The following NEK10 variants were observed in gnomAD, a reference collection of about 807,000 sequenced individuals.
NEK10 encodes the protein serine/threonine-protein kinase Nek10.
NEK10 carries 122 observed loss-of-function variants against 159.8 expected under a neutral mutation model. That is an observed-to-expected ratio of 0.76 (90% CI 0.66 to 0.89). NEK10 has a LOEUF of 0.89. Among genes scored for constraint, NEK10 ranks in the 40% least tolerant of loss-of-function variants. The pLI is 0.00. For missense variants in NEK10, 1,342 were observed against 1,323.1 expected (o/e 1.01, Z -0.22); for synonymous variants, 466 against 457.1 (o/e 1.02, Z -0.25).
intron 1 of NEK10, among the ~76,000 whole-genome samples, chr3:27,359,739 G>T (rs541198665): frequency 6.6e-5 from 10 of 152,172 alleles, no homozygotes; most frequent in Non-Finnish European, 1.5e-4. Context: ...TGAGTGAAGG[G>T]TATATGGGAA....
At chr3:27,352,584 G>T in intron 2 of NEK10, 59 bp from the exon 3 acceptor site, 1 of 1,250,696 alleles carries the variant, frequency 8.0e-7, no homozygotes, top group Non-Finnish European at 1.2e-6. Flanking sequence ...ACAAGATCGT[G>T]TTACCCACTG....
chr3:27,263,497 T>G (rs1054550594), intron 22 of NEK10, among the ~76,000 whole-genome samples: 2 of 152,182 alleles, frequency 1.3e-5, no homozygotes, highest in Admixed American at 6.5e-5. Flanking sequence ...TTTGTTTACC[T>G]ACTCAAGCCT....
At chr3:27,253,384 T>A (rs1020436857) in intron 23 of NEK10, among the ~76,000 whole-genome samples, 1 of 152,182 alleles carries the variant, frequency 6.6e-6, no homozygotes, top group African/African-American at 2.4e-5. Context: ...TTCTCTGGAA[T>A]TGGAGGAAGA....
chr3:27,297,136 T>C (rs891227356), intron 14 of NEK10, 43 bp downstream of exon 14: 7 of 1,339,568 alleles, frequency 5.2e-6, no homozygotes, highest in African/African-American at 1.4e-5. Flanking sequence ...GAGTTGATTA[T>C]GAATGGTTAT....
intron 5 of NEK10, among the ~76,000 whole-genome samples, chr3:27,323,936 C>A (rs2045832966): frequency 6.6e-6 from 1 of 152,198 alleles, no homozygotes; most frequent in South Asian, 2.1e-4. Flanking sequence ...TATGGATGAC[C>A]AATTCTCTGA....
At chr3:27,148,044 T>A (rs889244965) in intron 30 of NEK10, among the ~76,000 whole-genome samples, 2 of 152,172 alleles carry the variant, frequency 1.3e-5, no homozygotes, top group Non-Finnish European at 2.9e-5. Flanking sequence ...AACAGAAAAA[T>A]TTTTAATTGA....
At chr3:27,198,705 A>G (rs997904143) in intron 25 of NEK10, among the ~76,000 whole-genome samples, 1 of 152,202 alleles carries the variant, frequency 6.6e-6, no homozygotes, top group African/African-American at 2.4e-5. Context: ...ACCCTGGAAG[A>G]CAACCTAGGC....
At chr3:27,295,794 AT>A in intron 14 of NEK10, 104 bp from the exon 15 acceptor site, 1 of 1,374,780 alleles carries the variant, frequency 7.3e-7, no homozygotes, top group African/African-American at 1.5e-5. Context: ...AAGAAGAAAT[AT>A]TAGTATAACT....
At chr3:27,176,699 T>C (rs1331192196) in intron 26 of NEK10, among the ~76,000 whole-genome samples, 2 of 152,224 alleles carry the variant, frequency 1.3e-5, no homozygotes, top group Admixed American at 6.5e-5. Context: ...CAAGGCCTTT[T>C]CCTTCTTATG....
At chr3:27,302,856 T>C (rs1250664248) in intron 12 of NEK10, among the ~76,000 whole-genome samples, 3 of 152,140 alleles carry the variant, frequency 2.0e-5, no homozygotes, top group Admixed American at 6.5e-5. Context: ...TCTGTCAACA[T>C]GATTCTCTTA....
intron 30 of NEK10, among the ~76,000 whole-genome samples, chr3:27,153,363 T>C (rs1290059982): frequency 6.6e-6 from 1 of 150,460 alleles, no homozygotes; most frequent in Non-Finnish European, 1.5e-5. Flanking sequence ...TAGCGGGGAC[T>C]TCAGTACTCC....
intron 31 of NEK10, among the ~76,000 whole-genome samples, chr3:27,139,633 A>G (rs893512638): frequency 3.9e-5 from 6 of 152,182 alleles, no homozygotes; most frequent in Admixed American, 2.6e-4. Context: ...CAGACTCCAG[A>G]TTTCACATGT....
chr3:27,288,003 G>T (rs527763713), intron 19 of NEK10, among the ~76,000 whole-genome samples: 1 of 152,096 alleles, frequency 6.6e-6, no homozygotes, highest in Non-Finnish European at 1.5e-5. Flanking sequence ...CTTTACTATC[G>T]AACTTAACCA....
intron 7 of NEK10, among the ~76,000 whole-genome samples, chr3:27,312,940 A>G (rs1455610309): frequency 2.0e-5 from 3 of 152,172 alleles, no homozygotes; most frequent in Non-Finnish European, 2.9e-5. Context: ...ATTATTCAGA[A>G]TGAGTTTGCA....
At chr3:27,278,700 G>C in intron 22 of NEK10, 1 of 983,900 alleles carries the variant, frequency 1.0e-6, no homozygotes, top group Non-Finnish European at 1.2e-6. Context: ...TTTTTTATTT[G>C]AAAGCAGAGG....
chr3:27,264,946 T>TA lies in NEK10; in HGVS notation c.2015-8576dup, dbSNP rs200373737. On this transcript the variant is annotated intron_variant, in intron 22 of 35. Transcript: ENST00000691995. ...TAAATAAATAAATAAATAATAATTT[T>TA]AAAAAATCATCAGTGTAGTTCACCA... 6.8e-3 allele frequency among the ~76,000 whole-genome samples: 1,025 copies of TA among 151,370 alleles called. 51 individuals are homozygous for TA. The highest frequency in any genetic ancestry group is 0.055 in the Admixed American group (829 of 15,168).
chr3:27,159,237 A>G (rs975923981), intron 30 of NEK10, among the ~76,000 whole-genome samples: 1 of 152,174 alleles, frequency 6.6e-6, no homozygotes, highest in African/African-American at 2.4e-5. Flanking sequence ...TACAGCAAAG[A>G]CAACAGACCT....
rs567775292 is a variant in NEK10 at position 27,201,529 on chromosome 3, C to A, written c.2272G>T (p.Val758Leu). ...PVPEGIYSEKVTDTISRCLTP... is the reference protein window; with the variant it reads ...PVPEGIYSEKLTDTISRCLTP... The stretch of plus-strand genomic sequence containing the variant: ...AATTACCTGCTGATGGTGTCTGTTA[C>A]TTTTTCAGAGTAGATACCTTCTGGG... Residue 758 changes from valine (V) to leucine (L), a missense_variant, in exon 25 of 36, where the codon GTA becomes TTA. Transcript: ENST00000691995. 3 of 1,613,926 alleles carry A rather than the reference C, an allele frequency of 1.9e-6. No homozygotes were observed. The highest frequency in any genetic ancestry group is 2.5e-6 in the Non-Finnish European group (3 of 1,179,856).
intron 4 of NEK10, among the ~76,000 whole-genome samples, chr3:27,344,988 A>G (rs956931634): frequency 5.9e-5 from 9 of 152,250 alleles, no homozygotes; most frequent in Admixed American, 5.9e-4. Flanking sequence ...CTTACAGCCC[A>G]CCAAAGAGGT....
Sources: gnomAD v4.1 joint callset for allele counts (sites outside exome capture counted in the v4.1 genomes callset) on GRCh38, gnomAD v4.1.1 for gene constraint, MANE v1.5 for transcripts, NCBI Gene and HGNC (gene_info 2026-07-23, HGNC 2026-07-21) for gene names.